The following DAB1 variants were observed in gnomAD, a reference collection of about 807,000 sequenced individuals.
DAB1 encodes disabled homolog 1.
DAB1 carries 15 observed loss-of-function variants against 64.6 expected under a neutral mutation model. The observed-to-expected ratio is 0.23, with a 90% CI of 0.16 to 0.36. The LOEUF is 0.36. Ranked by LOEUF, DAB1 falls within the 10% of genes least tolerant of loss-of-function variation. DAB1 has a pLI of 1.00. For missense variants in DAB1, 596 were observed against 706.7 expected (o/e 0.84, Z 1.78); for synonymous variants, 235 against 251.9 (o/e 0.93, Z 0.64).
chr1:58,239,111 C>G (rs1265481981), intron 4 of DAB1, among the ~76,000 whole-genome samples: 1 of 152,144 alleles, frequency 6.6e-6, no homozygotes, highest in African/African-American at 2.4e-5. Context: ...CCCAACACCC[C>G]TTAATAAATC....
chr1:57,120,940 G>A (rs1000682436), intron 4 of DAB1, among the ~76,000 whole-genome samples: 5 of 152,108 alleles, frequency 3.3e-5, no homozygotes, highest in Non-Finnish European at 5.9e-5. Context: ...AAGGACAAAA[G>A]AGAGATATCT....
At chr1:57,295,433 T>A (rs886644946) in intron 1 of DAB1, among the ~76,000 whole-genome samples, 1 of 152,164 alleles carries the variant, frequency 6.6e-6, no homozygotes, top group East Asian at 1.9e-4. Flanking sequence ...GTTTTATGAT[T>A]CGATATCTTA....
chr1:57,505,276 C>T (rs1243323717), intron 7 of DAB1, among the ~76,000 whole-genome samples: 1 of 152,256 alleles, frequency 6.6e-6, no homozygotes, highest in African/African-American at 2.4e-5. Context: ...ACATCGCAGC[C>T]ACACTGTGGG....
chr1:57,576,542 A>G (rs890308704), intron 7 of DAB1, among the ~76,000 whole-genome samples: 1 of 152,228 alleles, frequency 6.6e-6, no homozygotes, highest in African/African-American at 2.4e-5. Context: ...TGGCAAATGC[A>G]GAATTTAGGA....
intron 1 of DAB1, among the ~76,000 whole-genome samples, chr1:57,851,135 T>G (rs1218893127): frequency 2.6e-5 from 4 of 152,238 alleles, no homozygotes; most frequent in Admixed American, 1.3e-4. Flanking sequence ...AATGCTAGCA[T>G]CTACCATTAA....
rs1181919299 is a variant in DAB1, at chr1:57,195,322, C to A, written c.68-49893G>T. ...TTAATACAAGGGAGTCTGTTCAATA[C>A]TAAAGAGGACATTTTCTGCCTTCAC... is the stretch of plus-strand genomic sequence containing the variant. On this transcript the variant is annotated intron_variant, in intron 2 of 14. Coordinates refer to ENST00000371236, the MANE Select transcript of DAB1 (RefSeq NM_001365792.1). Among the ~76,000 whole-genome samples the A allele has an allele frequency of 2.6e-5, 4 of 152,188 alleles. No individual in the cohort carries two copies. The East Asian group carries it at 5.8e-4, about 22-fold the overall frequency.
intron 7 of DAB1, among the ~76,000 whole-genome samples, chr1:57,565,530 T>C (rs1645107819): frequency 6.6e-6 from 1 of 151,992 alleles, no homozygotes; most frequent in Admixed American, 6.6e-5. Flanking sequence ...TGGAGACCCA[T>C]CTCACGTGCA....
At chr1:57,834,725 T>C (rs1652736225) in intron 1 of DAB1, among the ~76,000 whole-genome samples, 1 of 151,802 alleles carries the variant, frequency 6.6e-6, no homozygotes, top group African/African-American at 2.4e-5. Flanking sequence ...TATGACTATA[T>C]ATATGGTTTA....
chr1:58,239,196 T>C (rs1385395342), intron 4 of DAB1, among the ~76,000 whole-genome samples: 1 of 152,224 alleles, frequency 6.6e-6, no homozygotes, highest in African/African-American at 2.4e-5. Flanking sequence ...TTCTTCTGTC[T>C]TTCAGAGCTT....
At chr1:57,082,574 G>A (rs1252458175) in intron 4 of DAB1, among the ~76,000 whole-genome samples, 1 of 152,126 alleles carries the variant, frequency 6.6e-6, no homozygotes, top group Non-Finnish European at 1.5e-5. Context: ...TGCAGGACAT[G>A]CAGGTTTGTT....
chr1:58,433,108 A>ACCC (rs1009219971), intron 3 of DAB1, among the ~76,000 whole-genome samples: 1 of 150,522 alleles, frequency 6.6e-6, no homozygotes, highest in Non-Finnish European at 1.5e-5. Context: ...GGCCTCCCAC[A>ACCC]CCCCCCCTAT....
intron 7 of DAB1, among the ~76,000 whole-genome samples, chr1:57,614,853 T>TTGCC: frequency 2.2e-5 from 1 of 45,102 alleles, no homozygotes; most frequent in Non-Finnish European, 6.4e-5. Context: ...TTTTGCCTTC[T>TTGCC]TTCTTTCTTT....
At chr1:57,508,407 A>G (rs1644371118) in intron 7 of DAB1, among the ~76,000 whole-genome samples, 1 of 152,248 alleles carries the variant, frequency 6.6e-6, no homozygotes, top group African/African-American at 2.4e-5. Context: ...TCAACAGGGA[A>G]TTCAAATGTC....
chr1:57,823,751 C>T (rs1433401787), downstream of DAB1, among the ~76,000 whole-genome samples: 1 of 152,030 alleles, frequency 6.6e-6, no homozygotes, highest in Admixed American at 6.6e-5. Context: ...TTTTGGGGCC[C>T]CCATTCTCTG....
At chr1:57,149,403 A>G (rs955063397) in intron 2 of DAB1, among the ~76,000 whole-genome samples, 3 of 152,172 alleles carry the variant, frequency 2.0e-5, no homozygotes, top group Admixed American at 6.5e-5. Flanking sequence ...AGAACTGTCA[A>G]TTTGTTTTTC....
intron 2 of DAB1, among the ~76,000 whole-genome samples, chr1:57,195,401 C>A (rs1384974552): frequency 6.6e-6 from 1 of 152,226 alleles, no homozygotes; most frequent in Admixed American, 6.5e-5. Flanking sequence ...ACATAACTTT[C>A]ATGGAATACT....
At chr1:58,091,762 G>T (rs1204147794) in intron 5 of DAB1, among the ~76,000 whole-genome samples, 1 of 152,010 alleles carries the variant, frequency 6.6e-6, no homozygotes, top group Non-Finnish European at 1.5e-5. Flanking sequence ...CTCTGTCTGG[G>T]ATTTTCACCT....
intron 6 of DAB1, among the ~76,000 whole-genome samples, chr1:57,658,237 T>G (rs971789499): frequency 2.6e-5 from 4 of 152,128 alleles, no homozygotes; most frequent in Admixed American, 1.3e-4. Context: ...TTCTATGTCT[T>G]GCAATGTCCC....
intron 1 of DAB1, among the ~76,000 whole-genome samples, chr1:57,406,524 G>C (rs1188818932): frequency 6.6e-6 from 1 of 152,178 alleles, no homozygotes; most frequent in Non-Finnish European, 1.5e-5. Context: ...ATAAATGGAT[G>C]AAGTGCTAGA....
Sources: gnomAD v4.1 joint callset for allele counts (sites outside exome capture counted in the v4.1 genomes callset) on GRCh38, gnomAD v4.1.1 for gene constraint, MANE v1.5 for transcripts, NCBI Gene and HGNC (gene_info 2026-07-23, HGNC 2026-07-21) for gene names.